The following SUSD6 variants were observed in gnomAD, a reference collection of about 807,000 sequenced individuals.
The protein encoded by SUSD6 is sushi domain-containing protein 6.
In SUSD6, 16 loss-of-function variants were observed where a neutral mutation model predicts 28.4. That is an observed-to-expected ratio of 0.56 (90% CI 0.38 to 0.86). The LOEUF is 0.86. Among genes scored for constraint, SUSD6 ranks in the 40% least tolerant of loss-of-function variants. The probability of loss-of-function intolerance (pLI) is 0.00; values close to 1 mark genes in which losing one functional copy is unlikely to be tolerated. For synonymous variants in SUSD6, 147 were observed against 159.6 expected, an observed-to-expected ratio of 0.92 and a Z score of 0.59; for missense variants, 341 against 384.2, an observed-to-expected ratio of 0.89 and a Z score of 0.94.
chr14:69,669,728 T>C (rs1023005372), intron 2 of SUSD6, among the ~76,000 whole-genome samples: 2 of 152,230 alleles, frequency 1.3e-5, no homozygotes, highest in African/African-American at 4.8e-5. Flanking sequence ...AAAGTCCAAC[T>C]TAGCTTCTTC....
intron 2 of SUSD6, among the ~76,000 whole-genome samples, chr14:69,700,423 C>T (rs528608679): frequency 2.0e-5 from 3 of 152,290 alleles, no homozygotes; most frequent in South Asian, 2.1e-4. Flanking sequence ...GAACCTTCAG[C>T]GGCTCCCCCT....
At position 69,711,085 on chromosome 14, in the gene SUSD6, G is replaced by A; in HGVS notation, c.*106G>A. On this transcript the variant is annotated 3_prime_UTR_variant, in exon 6 of 6. Transcript: ENST00000342745. Reference sequence around the variant, plus strand: ...CTCCAGCCACCTTACCTGGATACCTGAGCTGCCACCTGTGTATCTGTGTAT... The same window carrying A: ...CTCCAGCCACCTTACCTGGATACCTAAGCTGCCACCTGTGTATCTGTGTAT... The A allele has an allele frequency of 8.9e-7, 1 of 1,124,422 alleles. No homozygotes were observed. The highest frequency in any genetic ancestry group is 1.3e-5 in the South Asian group (1 of 79,834). 69.7% of individuals were successfully genotyped at this position (1,124,422 alleles called of 1,614,324 possible).
At chr14:69,667,324 G>A (rs1885756314) in intron 2 of SUSD6, among the ~76,000 whole-genome samples, 1 of 150,792 alleles carries the variant, frequency 6.6e-6, no homozygotes, top group African/African-American at 2.4e-5. Context: ...AGCCAGTGCA[G>A]CCCCACTAAG....
intron 2 of SUSD6, among the ~76,000 whole-genome samples, chr14:69,692,818 A>G (rs1193666779): frequency 6.6e-6 from 1 of 152,124 alleles, no homozygotes. Context: ...TCACCTGCTC[A>G]TCAGCTTTCC....
intron 1 of SUSD6, among the ~76,000 whole-genome samples, chr14:69,640,905 A>T (rs1375434884): frequency 1.3e-5 from 2 of 152,208 alleles, no homozygotes; most frequent in Non-Finnish European, 2.9e-5. Flanking sequence ...ACATGGGTAA[A>T]TGCCCTTTTT....
rs553263821 is a variant in SUSD6, at chr14:69,633,307, G to A, written c.-81+21479G>A. ...GTGGAATAGCCAGAGTCTGCTATGT[G>A]ACAGATGCTAAGAAAACCAGCAAGA... On this transcript the variant is annotated intron_variant, in intron 1 of 5. Coordinates refer to ENST00000342745, the MANE Select transcript of SUSD6 (RefSeq NM_014734.4). 3.9e-5 allele frequency among the ~76,000 whole-genome samples: 6 copies of A among 152,338 alleles called. No individual in the cohort carries two copies. In the South Asian group the frequency reaches 1.2e-3, roughly 32 times the overall value.
intron 2 of SUSD6, among the ~76,000 whole-genome samples, chr14:69,690,524 C>CT (rs1344758854): frequency 6.6e-6 from 1 of 152,086 alleles, no homozygotes; most frequent in African/African-American, 2.4e-5. Flanking sequence ...AGGGATCTTC[C>CT]AGGAGCACGG....
At chr14:69,619,009 G>A (rs1884997803) in intron 1 of SUSD6, among the ~76,000 whole-genome samples, 1 of 152,196 alleles carries the variant, frequency 6.6e-6, no homozygotes, top group Non-Finnish European at 1.5e-5. Flanking sequence ...AAATGCAAGT[G>A]GGAAATGGAT....
chr14:69,671,296 A>G (rs1297963622), intron 2 of SUSD6, among the ~76,000 whole-genome samples: 2 of 152,224 alleles, frequency 1.3e-5, no homozygotes, highest in African/African-American at 4.8e-5. Context: ...TTTAGGTACA[A>G]TTTGTGGGAG....
chr14:69,635,598 CACACACACA>C lies in SUSD6; in HGVS notation c.-80-22914_-80-22906del, dbSNP rs1566591550. ...CCCCCACTCCACCCAAGGCACACCA[CACACACACA>C]CACACACACACACACACACACACAC... is the stretch of plus-strand genomic sequence containing the variant. On this transcript the variant is annotated intron_variant, in intron 1 of 5. Coordinates refer to ENST00000342745, the MANE Select transcript of SUSD6 (RefSeq NM_014734.4). Among the ~76,000 whole-genome samples the C allele has an allele frequency of 2.0e-4, 7 of 34,984 alleles. No individual in the cohort carries two copies. In the African/African-American group the frequency reaches 2.6e-3, roughly 13 times the overall value. 23.0% of individuals were successfully genotyped at this position (34,984 alleles called of 152,430 possible).
Position 69,688,053 on chromosome 14 carries a change from A to C in SUSD6, c.122-15342A>C, listed in dbSNP as rs188772123. 1.9e-3 allele frequency among the ~76,000 whole-genome samples: 291 copies of C among 152,330 alleles called. 1 individual carries two copies. The highest frequency in any genetic ancestry group is 3.6e-3 in the Non-Finnish European group (244 of 68,032). ...TATGCCCTTTTCTAATACATGAAAC[A>C]TCTAGCCTGCTTTTTGGTTGTTGTG... is the stretch of plus-strand genomic sequence containing the variant. On this transcript the variant is annotated intron_variant, in intron 2 of 5. Coordinates refer to ENST00000342745, the MANE Select transcript of SUSD6 (RefSeq NM_014734.4).
rs574640353 is a variant in SUSD6, at chr14:69,689,130, T to TC, written c.122-14262dup. Among the ~76,000 whole-genome samples the TC allele has an allele frequency of 2.3e-3, 349 of 152,314 alleles. 1 individual carries two copies. The highest frequency in any genetic ancestry group is 7.6e-3 in the African/African-American group (317 of 41,566). On this transcript the variant is annotated intron_variant, in intron 2 of 5. Coordinates refer to ENST00000342745, the MANE Select transcript of SUSD6 (RefSeq NM_014734.4). ...TTTATCCCGTACTCATGATCCTACT[T>TC]CCCGTGAAGTTGGAGCTCTGATACC...
chr14:69,662,877 T>C (rs1237883432), intron 2 of SUSD6, among the ~76,000 whole-genome samples: 3 of 152,308 alleles, frequency 2.0e-5, no homozygotes, highest in South Asian at 4.1e-4. Flanking sequence ...ATAAAAATGA[T>C]TGGAAGGCAG....
intron 1 of SUSD6, among the ~76,000 whole-genome samples, chr14:69,635,667 C>T (rs1228707448): frequency 2.0e-5 from 3 of 150,886 alleles, no homozygotes; most frequent in Middle Eastern, 3.2e-3. Flanking sequence ...CCAGAGGTTC[C>T]TTGTGGCAGA....
At chr14:69,679,734 A>G (rs936753838) in intron 2 of SUSD6, among the ~76,000 whole-genome samples, 2 of 152,166 alleles carry the variant, frequency 1.3e-5, no homozygotes, top group African/African-American at 2.4e-5. Context: ...GAGAACCACT[A>G]TTATTTTACT....
chr14:69,654,427 G>T (rs781084101), intron 1 of SUSD6, among the ~76,000 whole-genome samples: 4 of 152,218 alleles, frequency 2.6e-5, no homozygotes, highest in Non-Finnish European at 5.9e-5. Context: ...AGCAGGGTAA[G>T]AAGGGGTCAT....
intron 4 of SUSD6, among the ~76,000 whole-genome samples, chr14:69,705,815 C>G (rs561060321): frequency 3.9e-4 from 59 of 152,318 alleles, no homozygotes; most frequent in South Asian, 4.1e-4. Flanking sequence ...TGTCTAGGGG[C>G]GAGGAGCATG....
chr14:69,709,079 C>A lies in SUSD6; in HGVS notation c.861C>A (p.Ser287=). The A allele has an allele frequency of 6.2e-7, 1 of 1,606,568 alleles. No homozygotes were observed. Among genetic ancestry groups the A allele is most frequent in the Non-Finnish European group, 8.5e-7 (1 of 1,176,330 alleles). ...SENSDIQSLL[S]LTSEEYTDDI... is the part of the protein sequence containing the mutation. ...ACAGTGACATACAAAGCCTTTTATC[C>A]CTCACGTCAGAGGAGTACACAGATG... Residue 287 remains serine (S), a synonymous_variant, in exon 5 of 6, where the codon TCC becomes TCA. Transcript: ENST00000342745.
At chr14:69,710,799 G>A (rs919203802) in intron 5 of SUSD6, among the ~76,000 whole-genome samples, 155 bp from the exon 6 acceptor site, 1 of 152,112 alleles carries the variant, frequency 6.6e-6, no homozygotes, top group Admixed American at 6.5e-5. Context: ...AAAGGAGGTA[G>A]GGAGTTTTTG....
Sources: gnomAD v4.1 joint callset for allele counts (sites outside exome capture counted in the v4.1 genomes callset) on GRCh38, gnomAD v4.1.1 for gene constraint, MANE v1.5 for transcripts, NCBI Gene and HGNC (gene_info 2026-07-23, HGNC 2026-07-21) for gene names.